Variants in NAF1 observed in about 807,000 individuals in gnomAD.
NAF1 encodes H/ACA ribonucleoprotein complex non-core subunit NAF1.
Under a neutral mutation model 40.6 loss-of-function variants are expected in NAF1, and 11 were observed. That is an observed-to-expected ratio of 0.27 (90% CI 0.17 to 0.45). NAF1 has a LOEUF of 0.45. NAF1 is among the 20% of genes least tolerant of loss of function. NAF1 has a pLI of 1.00. For missense variants in NAF1, 607 were observed against 611.1 expected, an observed-to-expected ratio of 0.99 and a Z score of 0.07; for synonymous variants, 260 against 228.5, an observed-to-expected ratio of 1.14 and a Z score of -1.24.
rs201172406 is a variant in NAF1, at chr4:163,115,199, A to ATTTTTTTTT, written c.115-4910_115-4909insAAAAAAAAA. ...ATACTATTGGCGATATAGGACAATAATTTTTTTATTTATTTTTTTTTTTTT... is the reference window on the plus strand; with the variant it reads ...ATACTATTGGCGATATAGGACAATAATTTTTTTTTTTTTTTTATTTATTTTTTTTTTTTT... On this transcript the variant is annotated intron_variant, in intron 2 of 2. Coordinates refer to the NAF1 transcript ENST00000509434. 7.7e-5 allele frequency among the ~76,000 whole-genome samples: 8 copies of ATTTTTTTTT among 103,706 alleles called. 1 individual carries two copies. Among genetic ancestry groups the ATTTTTTTTT allele is most frequent in the Non-Finnish European group, 7.4e-5 (4 of 54,222 alleles). 68.0% of individuals were successfully genotyped at this position (103,706 alleles called of 152,430 possible).
downstream of NAF1, among the ~76,000 whole-genome samples, chr4:163,105,984 T>G (rs1730045521): frequency 6.6e-6 from 1 of 152,242 alleles, no homozygotes; most frequent in African/African-American, 2.4e-5. Context: ...TTGTTCTAAG[T>G]TGCATATTTC....
downstream of NAF1, chr4:163,109,929 C>T (rs1031485385): frequency 1.1e-4 from 28 of 256,950 alleles, no homozygotes; most frequent in South Asian, 7.4e-4. Context: ...TTAGTTAACA[C>T]GGAATGTGCT....
chr4:163,140,407 C>A (rs1331631228), intron 4 of NAF1, 24 bp from the exon 5 acceptor site: 4 of 1,563,156 alleles, frequency 2.6e-6, no homozygotes, highest in Non-Finnish European at 3.5e-6. Context: ...ATAAAGGCCT[C>A]TTTTAACATG....
At chr4:163,127,871 G>C (rs1355992253), downstream of NAF1, among the ~76,000 whole-genome samples, 1 of 152,130 alleles carries the variant, frequency 6.6e-6, no homozygotes, top group Non-Finnish European at 1.5e-5. Context: ...ATGTAAGATT[G>C]GGAAACATCT....
chr4:163,154,063 C>T (rs532480559), intron 2 of NAF1, among the ~76,000 whole-genome samples: 59 of 151,888 alleles, frequency 3.9e-4, no homozygotes, highest in African/African-American at 1.3e-3. Context: ...AGCAAGACCA[C>T]GAACCCACCA....
At chr4:163,141,677 A>G (rs1157898012) in intron 4 of NAF1, among the ~76,000 whole-genome samples, 2 of 151,940 alleles carry the variant, frequency 1.3e-5, no homozygotes. Context: ...AGACTTCCTA[A>G]AAATTGATTT....
intron 2 of NAF1, among the ~76,000 whole-genome samples, chr4:163,158,499 C>A (rs1317294942): frequency 6.6e-6 from 1 of 152,002 alleles, no homozygotes; most frequent in African/African-American, 2.4e-5. Flanking sequence ...TCATTAATTA[C>A]CCTATTGTGT....
chr4:163,150,544 A>C (rs1162843809), intron 2 of NAF1, among the ~76,000 whole-genome samples: 1 of 152,076 alleles, frequency 6.6e-6, no homozygotes, highest in African/African-American at 2.4e-5. Context: ...AAAAACATAT[A>C]TCTAATTTTA....
chr4:163,110,134 G>C (rs936381161), exon 3 of NAF1: 4 of 541,122 alleles, frequency 7.4e-6, no homozygotes, highest in Admixed American at 3.6e-5. Flanking sequence ...TTGCCATGAG[G>C]TTCCCATGGC....
intron 1 of NAF1, among the ~76,000 whole-genome samples, chr4:163,165,945 TGTATGTG>T (rs1256758891): frequency 1.3e-5 from 2 of 152,044 alleles, no homozygotes; most frequent in Non-Finnish European, 2.9e-5. Flanking sequence ...TGATCCCCAA[TGTATGTG>T]GTTCAAAAAA....
At chr4:163,137,109 A>G (rs1412095072) in intron 6 of NAF1, 90 bp downstream of exon 6, 16 of 1,449,596 alleles carry the variant, frequency 1.1e-5, no homozygotes, top group Non-Finnish European at 1.4e-5. Context: ...GCCAGTATTA[A>G]TGACTTCCCT....
intron 2 of NAF1, among the ~76,000 whole-genome samples, chr4:163,153,195 C>T (rs939591189): frequency 2.4e-4 from 37 of 152,202 alleles, no homozygotes; most frequent in African/African-American, 8.0e-4. Context: ...TCCACGGCGC[C>T]GAGTCCCATC....
chr4:163,152,321 G>A (rs1731743755), intron 2 of NAF1, among the ~76,000 whole-genome samples: 1 of 152,156 alleles, frequency 6.6e-6, no homozygotes, highest in Admixed American at 6.5e-5. Context: ...TTTCCTGTAA[G>A]TTGAGCAGTT....
intron 2 of NAF1, among the ~76,000 whole-genome samples, chr4:163,151,818 T>A (rs534838269): frequency 6.6e-6 from 1 of 152,184 alleles, no homozygotes; most frequent in South Asian, 2.1e-4. Context: ...GTTGTCTTCA[T>A]AAAGGGTCCT....
At chr4:163,104,878 C>CT in the NAF1 span, among the ~76,000 whole-genome samples, 2 of 152,178 alleles carry the variant, frequency 1.3e-5, no homozygotes, top group Non-Finnish European at 2.9e-5. Context: ...AGAAACCTAA[C>CT]TTAATTATAT....
downstream of NAF1, among the ~76,000 whole-genome samples, chr4:163,122,804 C>A (rs989220111): frequency 1.2e-4 from 18 of 152,174 alleles, no homozygotes; most frequent in African/African-American, 3.9e-4. Flanking sequence ...GATGACATAG[C>A]AAGAAGGCCT....
In NAF1 at chr4:163,145,842, G is replaced by A. The variant is rs1218156215; in HGVS notation, c.657C>T (p.Asn219=). ...CAGTCTCCTCATTAACTGGAGGTAG[G>A]TTAGTCATAGATTCAATTATTACTG... The part of the protein sequence containing the change: ...EQLVIIESMT[N]LPPVNEETVI... Residue 219 remains asparagine (N), a synonymous_variant, in exon 4 of 8, where the codon AAC becomes AAT. Transcript: ENST00000274054. 1 of 1,554,074 alleles carries A rather than the reference G, an allele frequency of 6.4e-7. No individual in the cohort carries two copies.
At chr4:163,115,020 C>T (rs1279978460) in intron 2 of NAF1, among the ~76,000 whole-genome samples, 1 of 151,872 alleles carries the variant, frequency 6.6e-6, no homozygotes, top group East Asian at 1.9e-4. Context: ...TAATATCATC[C>T]TATTTCCTAT....
downstream of NAF1, among the ~76,000 whole-genome samples, chr4:163,127,288 C>T (rs916140207): frequency 6.6e-6 from 1 of 152,138 alleles, no homozygotes; most frequent in Non-Finnish European, 1.5e-5. Context: ...TGCCACCACG[C>T]TCGGCTAATT....
Sources: gnomAD v4.1 joint callset for allele counts (sites outside exome capture counted in the v4.1 genomes callset) on GRCh38, gnomAD v4.1.1 for gene constraint, MANE v1.5 for transcripts, NCBI Gene and HGNC (gene_info 2026-07-23, HGNC 2026-07-21) for gene names.